Variants in PTPN14 observed in about 807,000 individuals in gnomAD.
PTPN14 encodes the protein tyrosine-protein phosphatase non-receptor type 14.
In PTPN14, 53 loss-of-function variants were observed where a neutral mutation model predicts 126.8. The ratio of observed to expected loss-of-function variants is 0.42; its 90% CI spans 0.34 to 0.53. The LOEUF (loss-of-function observed/expected upper bound fraction) is 0.53. PTPN14 is among the 20% of genes least tolerant of loss of function. The probability of loss-of-function intolerance (pLI) is 0.08; values close to 1 mark genes in which losing one functional copy is unlikely to be tolerated. For synonymous variants in PTPN14, 630 were observed against 599.3 expected (o/e 1.05, Z -0.75); for missense variants, 1,257 against 1,552.9 (o/e 0.81, Z 3.20).
At chr1:214,540,993 T>C (rs920668642) in intron 1 of PTPN14, among the ~76,000 whole-genome samples, 8 of 152,188 alleles carry the variant, frequency 5.3e-5, no homozygotes, top group Non-Finnish European at 1.2e-4. Flanking sequence ...TAAACATTTA[T>C]TGAACATGTA....
At chr1:214,359,365 C>A (rs1294760329) in intron 18 of PTPN14, among the ~76,000 whole-genome samples, 1 of 151,512 alleles carries the variant, frequency 6.6e-6, no homozygotes, top group Non-Finnish European at 1.5e-5. Flanking sequence ...AGGCACGCAC[C>A]ACCATGCCTG....
intron 1 of PTPN14, among the ~76,000 whole-genome samples, chr1:214,526,165 C>T (rs1022306646): frequency 4.0e-5 from 6 of 151,788 alleles, no homozygotes; most frequent in African/African-American, 1.2e-4. Context: ...GGGTTTTCAC[C>T]ATGTTGGCCA....
intron 1 of PTPN14, among the ~76,000 whole-genome samples, chr1:214,526,556 G>A (rs1655405042): frequency 1.3e-5 from 2 of 151,816 alleles, no homozygotes; most frequent in South Asian, 4.2e-4. Context: ...AAAAAGAGAG[G>A]TAGCTCTGGT....
chr1:214,483,482 C>G (rs1189798669), intron 1 of PTPN14: 6 of 788,782 alleles, frequency 7.6e-6, no homozygotes, highest in Non-Finnish European at 1.3e-5. Flanking sequence ...CCTTCCCCAC[C>G]CGCCTCCAGT....
chr1:214,450,219 C>T (rs890843072), intron 3 of PTPN14, among the ~76,000 whole-genome samples: 30 of 151,722 alleles, frequency 2.0e-4, no homozygotes, highest in South Asian at 1.7e-3. Context: ...CCCCTGTCAT[C>T]CTAGCACTTT....
intron 1 of PTPN14, chr1:214,532,029 T>A (rs1007128128): frequency 6.3e-6 from 1 of 158,534 alleles, no homozygotes; most frequent in Admixed American, 6.1e-5. Context: ...ATAATTACTA[T>A]GATTTGATTG....
At chr1:214,409,975 C>A (rs1659264082) in intron 5 of PTPN14, among the ~76,000 whole-genome samples, 1 of 151,986 alleles carries the variant, frequency 6.6e-6, no homozygotes, top group Non-Finnish European at 1.5e-5. Flanking sequence ...TATTCAGGTC[C>A]CTTGACCATT....
At chr1:214,359,532 T>G (rs929728939) in intron 18 of PTPN14, among the ~76,000 whole-genome samples, 4 of 151,908 alleles carry the variant, frequency 2.6e-5, no homozygotes, top group African/African-American at 4.8e-5. Flanking sequence ...CGAGAACACC[T>G]ATTTTGAGAC....
At chr1:214,382,136 T>C (rs1035388601) in intron 13 of PTPN14, among the ~76,000 whole-genome samples, 1 of 152,178 alleles carries the variant, frequency 6.6e-6, no homozygotes, top group Non-Finnish European at 1.5e-5. Flanking sequence ...CTCCTGACCT[T>C]GTGATCTGCC....
chr1:214,461,205 TAATA>T (rs1374629530), intron 2 of PTPN14, among the ~76,000 whole-genome samples: 1 of 152,166 alleles, frequency 6.6e-6, no homozygotes, highest in Non-Finnish European at 1.5e-5. Flanking sequence ...ATAAAAAATT[TAATA>T]AAAAAATTTT....
At chr1:214,420,900 C>G (rs11120317) in intron 3 of PTPN14, among the ~76,000 whole-genome samples, 5 of 151,986 alleles carry the variant, frequency 3.3e-5, no homozygotes, top group African/African-American at 4.8e-5. Context: ...TAGTTAGCAT[C>G]GAAAGAAAAT....
At chr1:214,491,207 G>A (rs1661243795) in intron 1 of PTPN14, among the ~76,000 whole-genome samples, 1 of 152,058 alleles carries the variant, frequency 6.6e-6, no homozygotes. Context: ...GTAGGACTGA[G>A]AATGGTCTGG....
chr1:214,464,888 A>G lies in PTPN14; in HGVS notation c.-85T>C, dbSNP rs1660595682. On this transcript the variant is annotated 5_prime_UTR_variant, in exon 2 of 19. Transcript: ENST00000366956. ...TTAGCAGTTTCGTGACTGGAAAATT[A>G]CACTATCACCTGTGCTCCTCCAGGC... 6.6e-7 allele frequency: 1 copy of G among 1,521,054 alleles called. No individual in the cohort carries two copies. Among genetic ancestry groups the G allele is most frequent in the Non-Finnish European group, 9.0e-7 (1 of 1,116,780 alleles). 94.2% of individuals were successfully genotyped at this position (1,521,054 alleles called of 1,614,324 possible). A position where few individuals can be genotyped will look rare whatever the true frequency, so the allele number is the denominator to read the frequency against.
intron 14 of PTPN14, 61 bp downstream of exon 14, chr1:214,377,898 A>C: frequency 6.5e-7 from 1 of 1,549,962 alleles, no homozygotes; most frequent in South Asian, 1.2e-5. Flanking sequence ...TCGGGCAAGG[A>C]GGGTGTTTTG....
intron 1 of PTPN14, among the ~76,000 whole-genome samples, 151 bp from the exon 2 acceptor site, chr1:214,465,108 A>G (rs557208255): frequency 6.6e-6 from 1 of 150,708 alleles, no homozygotes; most frequent in South Asian, 2.1e-4. Flanking sequence ...GGAGTTCCTA[A>G]GTGTCTTGGC....
intron 11 of PTPN14, among the ~76,000 whole-genome samples, chr1:214,387,391 A>AT (rs35164521): frequency 3.8e-4 from 58 of 152,352 alleles, no homozygotes; most frequent in African/African-American, 1.3e-3. Context: ...GCATGCCTGT[A>AT]GTCCGAGCTA....
At chr1:214,511,777 C>A (rs1030479797) in intron 1 of PTPN14, among the ~76,000 whole-genome samples, 1 of 152,184 alleles carries the variant, frequency 6.6e-6, no homozygotes, top group African/African-American at 2.4e-5. Context: ...CCCAAGTGTC[C>A]ATCAACACAT....
intron 1 of PTPN14, among the ~76,000 whole-genome samples, chr1:214,542,793 T>C (rs1404944456): frequency 2.0e-5 from 3 of 152,132 alleles, no homozygotes; most frequent in African/African-American, 7.2e-5. Flanking sequence ...TGAGGAATAG[T>C]GGGACATAAA....
intron 1 of PTPN14, chr1:214,533,532 A>AAG: frequency 3.0e-6 from 1 of 334,416 alleles, no homozygotes; most frequent in South Asian, 3.0e-5. Context: ...CAGCGGTTTA[A>AAG]ATAAAAAAAA....
Sources: gnomAD v4.1 joint callset for allele counts (sites outside exome capture counted in the v4.1 genomes callset) on GRCh38, gnomAD v4.1.1 for gene constraint, MANE v1.5 for transcripts, NCBI Gene and HGNC (gene_info 2026-07-23, HGNC 2026-07-21) for gene names.